LRRC9: variants seen among roughly 807,000 people sequenced by gnomAD.
The protein encoded by LRRC9 is leucine-rich repeat-containing protein 9.
In LRRC9, 122 loss-of-function variants were observed where a neutral mutation model predicts 63.2. The ratio of observed to expected loss-of-function variants is 1.93; its 90% CI spans 1.67 to 2.24. The LOEUF (loss-of-function observed/expected upper bound fraction) is 2.24, where lower values mean the gene tolerates loss of function less well. Among genes scored for constraint, LRRC9 ranks in the 30% most tolerant of loss-of-function variants. LRRC9 has a pLI of 0.00. For synonymous variants in LRRC9, 366 were observed against 213.1 expected, an observed-to-expected ratio of 1.72 and a Z score of -6.25; for missense variants, 1,071 against 627.7, an observed-to-expected ratio of 1.71 and a Z score of -7.55.
intron 30 of LRRC9, among the ~76,000 whole-genome samples, chr14:60,054,766 A>AT (rs1894149779): frequency 1.3e-5 from 2 of 150,682 alleles, no homozygotes; most frequent in East Asian, 3.9e-4. Flanking sequence ...TGATTCCCTT[A>AT]CTTTTTTTTT....
At chr14:59,983,015 T>C (rs989041423) in intron 16 of LRRC9, among the ~76,000 whole-genome samples, 2 of 152,186 alleles carry the variant, frequency 1.3e-5, no homozygotes, top group African/African-American at 4.8e-5. Flanking sequence ...CCGAGACAAT[T>C]CTACTGAGAT....
intron 23 of LRRC9, among the ~76,000 whole-genome samples, chr14:60,011,493 T>A (rs219382): frequency 0.75 from 113,567 of 152,118 alleles, 44,513 homozygotes; most frequent in Non-Finnish European, 0.87. Flanking sequence ...AAATTTATGA[T>A]TCAATAATAT....
intron 17 of LRRC9, among the ~76,000 whole-genome samples, chr14:59,996,647 G>C (rs1566859447): frequency 6.6e-6 from 1 of 152,170 alleles, no homozygotes; most frequent in Admixed American, 6.5e-5. Context: ...AACTTCACCA[G>C]TAATAATGTA....
intron 23 of LRRC9, among the ~76,000 whole-genome samples, chr14:60,014,389 T>A (rs546520611): frequency 5.9e-5 from 9 of 152,214 alleles, no homozygotes; most frequent in African/African-American, 2.2e-4. Context: ...GATTCCTTTT[T>A]TTTTTCTTTC....
At chr14:60,012,544 G>C (rs1220385673) in intron 23 of LRRC9, among the ~76,000 whole-genome samples, 1 of 152,180 alleles carries the variant, frequency 6.6e-6, no homozygotes, top group African/African-American at 2.4e-5. Flanking sequence ...TTGAGTAAAA[G>C]TAGATCAAAT....
chr14:59,945,826 T>A (rs1028588735), intron 8 of LRRC9, among the ~76,000 whole-genome samples: 7 of 152,000 alleles, frequency 4.6e-5, no homozygotes, highest in Admixed American at 2.0e-4. Flanking sequence ...AAATGACTAA[T>A]AAGCATTTGA....
Position 59,958,797 on chromosome 14 carries a change from G to A in LRRC9, c.883-1021G>A, listed in dbSNP as rs755668908. ...CTCCTGATCTGCAGATTGCAAAAAC[G>A]GTGGGAAAAGCATAGTAACCCGGCT... On this transcript the variant is annotated intron_variant, in intron 8 of 31. Coordinates refer to ENST00000445360, the Ensembl canonical transcript of LRRC9. This position sits in a 1 kb window ranked among gnomAD's most constrained non-coding sequence, Gnocchi z 4.0. Among the ~76,000 whole-genome samples, 3 of 152,202 alleles carry A rather than the reference G, an allele frequency of 2.0e-5. No homozygotes were observed. The highest frequency in any genetic ancestry group is 2.9e-5 in the Non-Finnish European group (2 of 68,038).
At chr14:59,946,749 AT>A (rs774393180) in intron 8 of LRRC9, among the ~76,000 whole-genome samples, 1 of 147,892 alleles carries the variant, frequency 6.8e-6, no homozygotes, top group Non-Finnish European at 1.5e-5. Context: ...GAGTGAGAAT[AT>A]GCGGTGTTTG....
chr14:60,006,413 T>A (rs1595006579), exon 22 of LRRC9: 2 of 692,270 alleles, frequency 2.9e-6, no homozygotes, highest in East Asian at 5.4e-5. Context: ...CCAAGATGAC[T>A]AAATTAACTC....
At chr14:59,970,032 G>T (rs1219853741) in intron 12 of LRRC9, among the ~76,000 whole-genome samples, 1 of 152,086 alleles carries the variant, frequency 6.6e-6, no homozygotes, top group East Asian at 1.9e-4. Flanking sequence ...TGTGTCATGG[G>T]TGTATGTTGT....
At chr14:60,064,560 A>C (rs1894834618), downstream of LRRC9, among the ~76,000 whole-genome samples, 1 of 152,248 alleles carries the variant, frequency 6.6e-6, no homozygotes, top group South Asian at 2.1e-4. Context: ...TGTAATATTT[A>C]AAAGTTCAAA....
chr14:60,009,455 C>T (rs949376605), intron 23 of LRRC9, among the ~76,000 whole-genome samples: 4 of 152,182 alleles, frequency 2.6e-5, no homozygotes, highest in African/African-American at 9.7e-5. Context: ...ATCGCGAGAA[C>T]AGCGTAAGAA....
intron 1 of LRRC9, among the ~76,000 whole-genome samples, chr14:59,921,171 C>T (rs1888742454): frequency 1.3e-5 from 2 of 151,994 alleles, no homozygotes; most frequent in Non-Finnish European, 1.5e-5. Flanking sequence ...CAGCCCATGC[C>T]AAAGTACAGA....
chr14:59,989,892 C>G (rs2140140536), intron 17 of LRRC9, among the ~76,000 whole-genome samples: 1 of 149,324 alleles, frequency 6.7e-6, no homozygotes. Flanking sequence ...ATTTTTTTGG[C>G]TCTATTCCAA....
intron 12 of LRRC9, among the ~76,000 whole-genome samples, chr14:59,972,496 G>C: frequency 6.6e-6 from 1 of 151,970 alleles, no homozygotes; most frequent in African/African-American, 2.4e-5. Flanking sequence ...CCTTAAAGTT[G>C]AGCATGCACT....
rs907783903 is a variant in LRRC9 at position 59,946,220 on chromosome 14, A to G, written c.882+1476A>G. ...ATATTAAAAACCAAGGTTTTGAAATATATTTAATGCTTTTTTAAAGTGAGC... is the reference window on the plus strand; with the variant it reads ...ATATTAAAAACCAAGGTTTTGAAATGTATTTAATGCTTTTTTAAAGTGAGC... On this transcript the variant is annotated intron_variant, in intron 8 of 31. Transcript: ENST00000445360. Among the ~76,000 whole-genome samples the G allele has an allele frequency of 2.6e-5, 4 of 151,320 alleles. No homozygotes were observed. The South Asian group carries it at 8.3e-4, about 31-fold the overall frequency.
chr14:59,994,403 A>G (rs1226583754), intron 17 of LRRC9, among the ~76,000 whole-genome samples: 1 of 152,196 alleles, frequency 6.6e-6, no homozygotes, highest in Non-Finnish European at 1.5e-5. Flanking sequence ...ACACTTTTAC[A>G]CTGTTGGTGG....
rs1373943778 is a variant in LRRC9 at position 59,928,011 on chromosome 14, CT to C, written c.48+24del. The C allele has an allele frequency of 8.9e-6, 6 of 675,646 alleles. No individual in the cohort carries two copies. Among genetic ancestry groups the C allele is most frequent in the African/African-American group, 1.8e-5 (1 of 55,530 alleles). The allele number at this position is 675,646 out of a possible 1,614,324, so 41.9% of individuals were successfully genotyped here. A position where few individuals can be genotyped will look rare whatever the true frequency, so the allele number is the denominator to read the frequency against. On this transcript the variant is annotated intron_variant, in intron 2 of 31. Transcript: ENST00000445360. ...GAACTGGTGAGTCAAAGTCAAATTT[CT>C]TTTAAATAACATTTGCAGTAATATA...
Position 60,058,874 on chromosome 14 carries a change from G to C in LRRC9, c.4276+852G>C, listed in dbSNP as rs1461210585. On this transcript the variant is annotated intron_variant, in intron 31 of 31. Coordinates refer to ENST00000445360, the Ensembl canonical transcript of LRRC9. The surrounding 1 kb of genome is among the most constrained non-coding windows in gnomAD (Gnocchi z 4.4). ...AAACCAGCATAATTTACTCCATTAA[G>C]ATGTTATATTTTCTCATTTTTCATA... Among the ~76,000 whole-genome samples, 6 of 152,092 alleles carry C rather than the reference G, an allele frequency of 3.9e-5. No individual in the cohort carries two copies.
Sources: allele counts gnomAD v4.1 joint callset (sites outside exome capture counted in the v4.1 genomes callset), GRCh38; gene constraint gnomAD v4.1.1; non-coding constraint Gnocchi (gnomAD v3.1); transcripts MANE v1.5; gene names NCBI Gene and HGNC (gene_info 2026-07-23, HGNC 2026-07-21).